Variants in AVL9 observed in about 807,000 individuals in gnomAD.
The protein encoded by AVL9 is late secretory pathway protein AVL9 homolog.
Under a neutral mutation model 79.2 loss-of-function variants are expected in AVL9, and 49 were observed. That is an observed-to-expected ratio of 0.62 (90% CI 0.49 to 0.79). The LOEUF is 0.79. Ranked by LOEUF, AVL9 falls within the 30% of genes least tolerant of loss-of-function variation. AVL9 has a pLI of 0.00. For synonymous variants in AVL9, 299 were observed against 280.6 expected, an observed-to-expected ratio of 1.07 and a Z score of -0.65; for missense variants, 682 against 776.8, an observed-to-expected ratio of 0.88 and a Z score of 1.45.
chr7:32,575,902 A>C, intron 12 of AVL9, 53 bp from the exon 13 acceptor site: 1 of 1,291,938 alleles, frequency 7.7e-7, no homozygotes. Context: ...TAATCTTCAC[A>C]TCCCTGAATG....
chr7:32,579,604 ATAT>A (rs1791402831), intron 13 of AVL9, among the ~76,000 whole-genome samples: 2 of 52,494 alleles, frequency 3.8e-5, no homozygotes, highest in Non-Finnish European at 7.1e-5. Flanking sequence ...ATTATATATT[ATAT>A]TATATATTAT....
In AVL9 at chr7:32,559,171, G is replaced by A. The variant is rs757824106; in HGVS notation, c.922G>A (p.Glu308Lys). Residue 308 changes from glutamate (E) to lysine (K), a missense_variant, in exon 10 of 16, where the codon GAA becomes AAA. Physicochemically the swap from Glu to Lys is moderately conservative, Grantham distance 56. Coordinates refer to ENST00000318709, the MANE Select transcript of AVL9 (RefSeq NM_015060.3). ...FQVEDSSKGQEPNDTNQYLKP... is the reference protein window; with the variant it reads ...FQVEDSSKGQKPNDTNQYLKP... The stretch of plus-strand genomic sequence containing the variant: ...AGTGGAAGACAGCAGCAAAGGGCAG[G>A]AACCCAATGATACCAATCAATATTT... 6.2e-7 allele frequency: 1 copy of A among 1,614,118 alleles called. No individual in the cohort carries two copies. Among genetic ancestry groups the A allele is most frequent in the East Asian group, 2.2e-5 (1 of 44,886 alleles).
chr7:32,531,719 A>C (rs978728403), intron 1 of AVL9: 1 of 152,186 alleles, frequency 6.6e-6, no homozygotes, highest in Non-Finnish European at 1.5e-5. Flanking sequence ...GATCCACTGC[A>C]TTCCACCCCT....
rs139890672 is a variant in AVL9 at position 32,511,276 on chromosome 7, A to G, written c.93+15474A>G. Among the ~76,000 whole-genome samples, 79 of 133,564 alleles carry G rather than the reference A, an allele frequency of 5.9e-4. No individual in the cohort carries two copies. In the East Asian group the frequency reaches 0.015, roughly 25 times the overall value. The allele number at this position is 133,564 out of a possible 152,430, so 87.6% of individuals were successfully genotyped here. ...AGTCCTGGCAATTCTGAACTGCCCC[A>G]GTATGAGGGAAACCATCTCCCCAGG... On this transcript the variant is annotated intron_variant, in intron 1 of 15. Coordinates refer to ENST00000318709, the MANE Select transcript of AVL9 (RefSeq NM_015060.3).
At chr7:32,571,207 G>A (rs2128149018) in intron 11 of AVL9, among the ~76,000 whole-genome samples, 1 of 146,648 alleles carries the variant, frequency 6.8e-6, no homozygotes, top group East Asian at 2.0e-4. Flanking sequence ...ACTCCAGCCT[G>A]GGTGACAGAG....
Position 32,495,745 on chromosome 7 carries a change from C to T in AVL9, c.36C>T (p.Pro12=), listed in dbSNP as rs756502060. The T allele has an allele frequency of 7.1e-6, 9 of 1,259,904 alleles. No homozygotes were observed. Among genetic ancestry groups the T allele is most frequent in the Non-Finnish European group, 1.0e-6 (1 of 992,454 alleles). 78.0% of individuals were successfully genotyped at this position (1,259,904 alleles called of 1,614,324 possible). A position where few individuals can be genotyped will look rare whatever the true frequency, so the allele number is the denominator to read the frequency against. Residue 12 remains proline, a synonymous_variant, in exon 1 of 16, where the codon CCC becomes CCT. Transcript: ENST00000318709. ...EKARRGGDGV[P]RGPVLHIVVV... The stretch of plus-strand genomic sequence containing the variant: ...CCAGGAGAGGCGGGGATGGCGTCCC[C>T]CGGGGGCCCGTACTGCACATCGTGG...
chr7:32,579,336 T>A (rs1791253602), intron 13 of AVL9, among the ~76,000 whole-genome samples: 1 of 25,242 alleles, frequency 4.0e-5, no homozygotes, highest in African/African-American at 1.1e-4. Context: ...ATAATATATA[T>A]AACACATATT....
chr7:32,532,514 A>T (rs1259581677), intron 1 of AVL9: 2 of 150,940 alleles, frequency 1.3e-5, no homozygotes, highest in Admixed American at 6.6e-5. Context: ...TATATAATAG[A>T]GTCCTGATAT....
chr7:32,576,938 T>C (rs1025155624), intron 13 of AVL9, among the ~76,000 whole-genome samples: 3 of 152,236 alleles, frequency 2.0e-5, no homozygotes, highest in African/African-American at 7.2e-5. Flanking sequence ...TAAAAGGCCA[T>C]TGATTACAGC....
intron 6 of AVL9, among the ~76,000 whole-genome samples, chr7:32,553,121 T>C (rs1331661880): frequency 6.6e-6 from 1 of 152,220 alleles, no homozygotes; most frequent in African/African-American, 2.4e-5. Context: ...CTCTGTGTAA[T>C]GTAAACTATT....
chr7:32,582,348 C>A (rs1322199317), intron 15 of AVL9, among the ~76,000 whole-genome samples: 1 of 147,588 alleles, frequency 6.8e-6, no homozygotes, highest in African/African-American at 2.5e-5. Context: ...GTCCTTATAT[C>A]CCTAGTTTTC....
At chr7:32,538,204 A>G (rs745608847) in intron 1 of AVL9, 1 of 152,236 alleles carries the variant, frequency 6.6e-6, no homozygotes, top group African/African-American at 2.4e-5. Context: ...GCCAATGGCA[A>G]CCTGTTAACT....
At chr7:32,535,098 C>CTT (rs2128130486) in intron 1 of AVL9, 1 of 152,334 alleles carries the variant, frequency 6.6e-6, no homozygotes, top group South Asian at 2.1e-4. Flanking sequence ...TCTCCTGTGT[C>CTT]TGTTTCCCAA....
intron 13 of AVL9, among the ~76,000 whole-genome samples, chr7:32,579,706 T>G (rs1197312738): frequency 1.5e-5 from 2 of 136,616 alleles, no homozygotes; most frequent in Non-Finnish European, 3.1e-5. Context: ...GATAGTGCTG[T>G]TTTTTTTTAA....
At chr7:32,506,243 G>A (rs945035883) in intron 1 of AVL9, among the ~76,000 whole-genome samples, 2 of 151,764 alleles carry the variant, frequency 1.3e-5, no homozygotes, top group Non-Finnish European at 2.9e-5. Context: ...TTAGAAATCA[G>A]TCATAAGAGA....
chr7:32,536,113 T>C (rs1323025685), intron 1 of AVL9: 1 of 152,240 alleles, frequency 6.6e-6, no homozygotes, highest in Non-Finnish European at 1.5e-5. Flanking sequence ...GTATGAGGAC[T>C]GATATATCTG....
intron 1 of AVL9, chr7:32,532,565 A>G (rs571056561): frequency 2.0e-5 from 3 of 152,316 alleles, no homozygotes; most frequent in African/African-American, 7.2e-5. Flanking sequence ...AACAATTTCT[A>G]CGTTAAAATT....
intron 5 of AVL9, 23 bp downstream of exon 5, chr7:32,551,446 A>T (rs780867418): frequency 7.3e-6 from 10 of 1,366,500 alleles, no homozygotes; most frequent in East Asian, 2.3e-5. Context: ...CCCTCTATAG[A>T]TGTGTTTGGC....
rs779813651 is a variant in AVL9, at chr7:32,543,240, G to T, written c.193G>T (p.Gly65Cys). ...TTTGCCCTTCCTTGCCTTACCAGAT[G>T]GCGCACACAACTACCAGGAAGGTAT... Reference protein sequence around the residue: ...KYLPFLALPDGAHNYQEDTVF... With the variant: ...KYLPFLALPDCAHNYQEDTVF... The change falls in exon 2 of 16, where the codon GGC (glycine) becomes TGC (cysteine). Residue 65 changes from glycine to cysteine, a missense_variant. Physicochemically the swap from Gly to Cys is radical, Grantham distance 159. Coordinates refer to ENST00000318709, the MANE Select transcript of AVL9 (RefSeq NM_015060.3). 8 of 1,614,124 alleles carry T rather than the reference G, an allele frequency of 5.0e-6. No individual in the cohort carries two copies. Among genetic ancestry groups the T allele is most frequent in the Non-Finnish European group, 6.8e-6 (8 of 1,180,014 alleles).
Sources: gnomAD v4.1 joint callset for allele counts (sites outside exome capture counted in the v4.1 genomes callset) on GRCh38, gnomAD v4.1.1 for gene constraint, MANE v1.5 for transcripts, NCBI Gene and HGNC (gene_info 2026-07-23, HGNC 2026-07-21) for gene names.